The following GRIA3 variants were observed in gnomAD, a reference collection of about 807,000 sequenced individuals.
GRIA3 encodes the protein glutamate receptor 3.
Under a neutral mutation model 63.0 loss-of-function variants are expected in GRIA3, and 3 were observed. The observed-to-expected ratio is 0.05, with a 90% CI of 0.02 to 0.12. The LOEUF (loss-of-function observed/expected upper bound fraction) is 0.12, where lower values mean the gene tolerates loss of function less well. Among genes scored for constraint, GRIA3 ranks in the 10% least tolerant of loss-of-function variants. GRIA3 has a pLI of 1.00. For synonymous variants in GRIA3, 274 were observed against 257.9 expected, an observed-to-expected ratio of 1.06 and a Z score of -0.60; for missense variants, 347 against 700.9, an observed-to-expected ratio of 0.50 and a Z score of 5.70.
At chrX:123,272,010 A>G (rs761555447) in intron 3 of GRIA3, among the ~76,000 whole-genome samples, 4 of 111,881 alleles carry the variant, frequency 3.6e-5, no homozygotes, top group Non-Finnish European at 7.5e-5. Context: ...TTAGAATACA[A>G]GCACATCATG....
At chrX:123,445,657 T>G (rs752083654) in intron 12 of GRIA3, among the ~76,000 whole-genome samples, 5 of 112,472 alleles carry the variant, frequency 4.4e-5, no homozygotes, top group Non-Finnish European at 9.4e-5. Context: ...AGCAGGACCC[T>G]GCCTTAAGTA....
intron 7 of GRIA3, 24 bp downstream of exon 7, chrX:123,398,827 G>A: frequency 8.7e-7 from 1 of 1,154,578 alleles, no homozygotes; most frequent in Non-Finnish European, 1.2e-6. Flanking sequence ...TGGGTTATTG[G>A]GGTGGAAGAA....
intron 3 of GRIA3, among the ~76,000 whole-genome samples, chrX:123,262,314 G>C (rs1272399502): frequency 1.8e-5 from 2 of 111,816 alleles, no homozygotes; most frequent in African/African-American, 6.5e-5. Flanking sequence ...CCTCAATAGA[G>C]AGTGAGGGTA....
At position 123,428,031 on chromosome X, in the gene GRIA3, G is replaced by A; in HGVS notation, c.1968G>A (p.Leu656=). Reference sequence around the variant, plus strand: ...ATACTGCCAATCTCGCTGCTTTCCTGACTGTGGAGAGGATGGTTTCTCCCA... The same window carrying A: ...ATACTGCCAATCTCGCTGCTTTCCTAACTGTGGAGAGGATGGTTTCTCCCA... ...SSYTANLAAF[L]TVERMVSPIE... The change falls in exon 12 of 16, where the codon CTG becomes CTA. Residue 656 remains leucine (L), a synonymous_variant. Transcript: ENST00000620443. 8.4e-7 allele frequency: 1 copy of A among 1,194,233 alleles called. No individual in the cohort carries two copies. Among genetic ancestry groups the A allele is most frequent in the African/African-American group, 1.7e-5 (1 of 57,314 alleles).
chrX:123,377,778 C>T (rs1167787365), intron 5 of GRIA3, among the ~76,000 whole-genome samples: 2 of 111,722 alleles, frequency 1.8e-5, no homozygotes. Flanking sequence ...CTTCCTTATA[C>T]ACTCTGGTTG....
intron 5 of GRIA3, among the ~76,000 whole-genome samples, chrX:123,390,328 A>G (rs867029030): frequency 8.9e-6 from 1 of 112,092 alleles, no homozygotes; most frequent in South Asian, 3.7e-4. Flanking sequence ...CTAGTCTAGC[A>G]GCTATTAATT....
Position 123,406,198 on chromosome X carries a change from C to T in GRIA3, c.1500+1284C>T, listed in dbSNP as rs769009566. ...CAGAAAAACTGCCCATGCAGTAAACCGGTCACTAGAGAACTAACCCAAGTG... is the reference window on the plus strand; with the variant it reads ...CAGAAAAACTGCCCATGCAGTAAACTGGTCACTAGAGAACTAACCCAAGTG... On this transcript the variant is annotated intron_variant, in intron 10 of 15. Transcript: ENST00000620443. Among the ~76,000 whole-genome samples, 12 of 112,474 alleles carry T rather than the reference C, an allele frequency of 1.1e-4. No individual in the cohort carries two copies. In the South Asian group the frequency reaches 2.6e-3, roughly 24 times the overall value.
At chrX:123,388,297 G>C (rs1168263352) in intron 5 of GRIA3, among the ~76,000 whole-genome samples, 1 of 111,392 alleles carries the variant, frequency 9.0e-6, no homozygotes, top group Non-Finnish European at 1.9e-5. Context: ...CCAGGCTGGA[G>C]TACAGTGGTT....
intron 4 of GRIA3, among the ~76,000 whole-genome samples, chrX:123,346,665 G>A (rs1177688209): frequency 1.8e-5 from 2 of 111,802 alleles, no homozygotes; most frequent in Admixed American, 9.5e-5. Context: ...TCTCTCCTCA[G>A]TTGTACCTTG....
chrX:123,371,980 T>G (rs2045250134), intron 5 of GRIA3, among the ~76,000 whole-genome samples: 1 of 111,658 alleles, frequency 9.0e-6, no homozygotes, highest in African/African-American at 3.3e-5. Flanking sequence ...TTTTCCCCAA[T>G]GTTTCATTGT....
At chrX:123,452,886 T>C (rs1028326826) in intron 12 of GRIA3, among the ~76,000 whole-genome samples, 1 of 111,533 alleles carries the variant, frequency 9.0e-6, no homozygotes, top group Non-Finnish European at 1.9e-5. Context: ...CACACTTTCT[T>C]TGTGACCCAT....
At chrX:123,379,993 A>C (rs1005408243) in intron 5 of GRIA3, among the ~76,000 whole-genome samples, 1 of 110,191 alleles carries the variant, frequency 9.1e-6, no homozygotes, top group Non-Finnish European at 1.9e-5. Context: ...TTATGGCTGC[A>C]TAGTATTCCA....
At chrX:123,364,071 A>C (rs2045195222) in intron 5 of GRIA3, among the ~76,000 whole-genome samples, 1 of 112,347 alleles carries the variant, frequency 8.9e-6, no homozygotes, top group Non-Finnish European at 1.9e-5. Context: ...ATTGCAACCA[A>C]ATAGAATTGG....
intron 6 of GRIA3, among the ~76,000 whole-genome samples, chrX:123,396,233 A>AATAATAATAATAATAATG (rs1354946998): frequency 2.8e-5 from 3 of 105,605 alleles, no homozygotes; most frequent in African/African-American, 1.0e-4. Flanking sequence ...TAATAATAAT[A>AATAATAATAATAATAATG]ATGATGATAA....
chrX:123,199,670 C>T (rs1308383753), intron 2 of GRIA3, among the ~76,000 whole-genome samples: 1 of 111,639 alleles, frequency 9.0e-6, no homozygotes, highest in Non-Finnish European at 1.9e-5. Context: ...CAATGACATA[C>T]ATAAAAATGA....
chrX:123,213,177 A>G (rs1409116288), intron 2 of GRIA3, among the ~76,000 whole-genome samples: 1 of 112,311 alleles, frequency 8.9e-6, no homozygotes, highest in African/African-American at 3.2e-5. Flanking sequence ...TGGACAGTCC[A>G]TGGAAAAATT....
intron 3 of GRIA3, among the ~76,000 whole-genome samples, chrX:123,303,949 A>G (rs935026338): frequency 2.7e-5 from 3 of 111,329 alleles, no homozygotes; most frequent in African/African-American, 9.8e-5. Flanking sequence ...AAATGATTTC[A>G]AAAGGAGCGG....
At chrX:123,204,109 A>G (rs1363952466) in intron 2 of GRIA3, among the ~76,000 whole-genome samples, 1 of 112,269 alleles carries the variant, frequency 8.9e-6, no homozygotes, top group East Asian at 2.8e-4. Context: ...TTGGAGTCTC[A>G]GGGCCCCCAT....
At chrX:123,317,708 T>C (rs145334463) in intron 3 of GRIA3, among the ~76,000 whole-genome samples, 4,937 of 111,875 alleles carry the variant, frequency 0.044, 185 homozygotes, top group African/African-American at 0.12. Context: ...TCCTCCCAGC[T>C]GCTTTCATGG....
Sources: allele counts gnomAD v4.1 joint callset (sites outside exome capture counted in the v4.1 genomes callset), GRCh38; gene constraint gnomAD v4.1.1; transcripts MANE v1.5; gene names NCBI Gene and HGNC (gene_info 2026-07-23, HGNC 2026-07-21).